WASF1: variants seen among roughly 807,000 people sequenced by gnomAD.
The protein encoded by WASF1 is actin-binding protein WASF1.
In WASF1, 7 loss-of-function variants were observed where a neutral mutation model predicts 50.5. The ratio of observed to expected loss-of-function variants is 0.14; its 90% CI spans 0.08 to 0.26. WASF1 has a LOEUF of 0.26. Ranked by LOEUF, WASF1 falls within the 10% of genes least tolerant of loss-of-function variation. WASF1 has a pLI of 1.00. For synonymous variants in WASF1, 205 were observed against 244.0 expected (o/e 0.84, Z 1.49); for missense variants, 470 against 694.7 (o/e 0.68, Z 3.64).
chr6:110,125,778 A>G (rs1452419895), intron 4 of WASF1, among the ~76,000 whole-genome samples: 1 of 152,232 alleles, frequency 6.6e-6, no homozygotes, highest in Non-Finnish European at 1.5e-5. Flanking sequence ...CTAAATGTGA[A>G]GCACCCAACA....
intron 4 of WASF1, among the ~76,000 whole-genome samples, chr6:110,114,785 A>G (rs993195065): frequency 2.0e-5 from 3 of 150,788 alleles, no homozygotes; most frequent in Non-Finnish European, 4.4e-5. Context: ...ATTAGTTTCC[A>G]TGTATGCTGC....
intron 3 of WASF1, among the ~76,000 whole-genome samples, chr6:110,145,606 T>C (rs892794619): frequency 1.3e-5 from 2 of 152,140 alleles, no homozygotes; most frequent in African/African-American, 4.8e-5. Context: ...TTGTCATAGG[T>C]AGCTCTTATG....
chr6:110,161,433 AT>A (rs1019879935), intron 2 of WASF1, among the ~76,000 whole-genome samples: 10 of 151,554 alleles, frequency 6.6e-5, no homozygotes, highest in Non-Finnish European at 1.5e-4. Context: ...CCACATATTG[AT>A]CCCCCGAATA....
chr6:110,119,366 C>CAT (rs1773975668), intron 4 of WASF1, among the ~76,000 whole-genome samples: 1 of 152,072 alleles, frequency 6.6e-6, no homozygotes, highest in Non-Finnish European at 1.5e-5. Flanking sequence ...ATATCACTGC[C>CAT]AATCCCCCAG....
At chr6:110,117,672 G>T (rs1012164297) in intron 4 of WASF1, among the ~76,000 whole-genome samples, 3 of 152,058 alleles carry the variant, frequency 2.0e-5, no homozygotes, top group African/African-American at 7.2e-5. Context: ...ACACCACAAA[G>T]ATATTCCTCA....
chr6:110,106,314 A>G (rs1773322666), intron 7 of WASF1, among the ~76,000 whole-genome samples: 1 of 152,202 alleles, frequency 6.6e-6, no homozygotes, highest in Non-Finnish European at 1.5e-5. Flanking sequence ...TACAGGCATA[A>G]TCTGGCTTGC....
chr6:110,126,514 T>G (rs755408280), intron 4 of WASF1, among the ~76,000 whole-genome samples: 1 of 152,146 alleles, frequency 6.6e-6, no homozygotes, highest in Non-Finnish European at 1.5e-5. Flanking sequence ...TAACAACCTC[T>G]TGTGCTAAGT....
intron 3 of WASF1, among the ~76,000 whole-genome samples, chr6:110,159,761 T>C (rs1430307467): frequency 1.3e-5 from 2 of 151,890 alleles, no homozygotes; most frequent in African/African-American, 4.8e-5. Context: ...ATATATACCT[T>C]ATACACATGG....
At chr6:110,106,238 T>C (rs1773319057) in intron 7 of WASF1, among the ~76,000 whole-genome samples, 1 of 152,198 alleles carries the variant, frequency 6.6e-6, no homozygotes, top group Non-Finnish European at 1.5e-5. Flanking sequence ...TAGACAGACA[T>C]GTCCATCTCA....
intron 2 of WASF1, chr6:110,177,075 T>C (rs1197021366): frequency 1.3e-5 from 2 of 152,074 alleles, no homozygotes; most frequent in African/African-American, 4.8e-5. Context: ...TATAGTCTTA[T>C]ACAATATTAA....
In WASF1 at chr6:110,108,668, A is replaced by G; in HGVS notation, c.282T>C (p.Asp94=). ...TTCGGAAAGCTTTCCTCATTGTTAT[A>G]TCTTGCAAAGACACTAAAACAAAAA... The part of the protein sequence containing the change: ...DPKEEELSLQ[D]ITMRKAFRSS... Residue 94 remains aspartate, a synonymous_variant, in exon 6 of 11, where the codon GAT becomes GAC. Coordinates refer to ENST00000392589, the MANE Select transcript of WASF1 (RefSeq NM_003931.3). The G allele has an allele frequency of 6.2e-7, 1 of 1,613,434 alleles. No homozygotes were observed. Among genetic ancestry groups the G allele is most frequent in the Non-Finnish European group, 8.5e-7 (1 of 1,179,800 alleles).
At chr6:110,146,439 A>G (rs968988133) in intron 3 of WASF1, among the ~76,000 whole-genome samples, 1 of 152,004 alleles carries the variant, frequency 6.6e-6, no homozygotes, top group Non-Finnish European at 1.5e-5. Flanking sequence ...CATGCCAATG[A>G]CAAAATACTT....
At chr6:110,106,471 A>G (rs1773330728) in intron 7 of WASF1, among the ~76,000 whole-genome samples, 1 of 152,268 alleles carries the variant, frequency 6.6e-6, no homozygotes, top group African/African-American at 2.4e-5. Flanking sequence ...TGCCTCCTTC[A>G]TAATTCAACC....
At chr6:110,153,585 T>C (rs527810133) in intron 3 of WASF1, among the ~76,000 whole-genome samples, 112 of 152,066 alleles carry the variant, frequency 7.4e-4, no homozygotes, top group Non-Finnish European at 1.4e-3. Context: ...ATCTCATAAT[T>C]TTAATTTGCA....
At chr6:110,146,076 T>C (rs1419170685) in intron 3 of WASF1, among the ~76,000 whole-genome samples, 1 of 152,100 alleles carries the variant, frequency 6.6e-6, no homozygotes, top group Non-Finnish European at 1.5e-5. Context: ...GGCACACGTA[T>C]ACATATGTAA....
chr6:110,104,188 G>A (rs1203367660), intron 8 of WASF1, among the ~76,000 whole-genome samples: 1 of 152,104 alleles, frequency 6.6e-6, no homozygotes, highest in Non-Finnish European at 1.5e-5. Context: ...ACTCGAACAT[G>A]TTAAGATTTA....
rs182947416 is a variant in WASF1 at position 110,163,988 on chromosome 6, G to A, written c.-126-3256C>T. Among the ~76,000 whole-genome samples, 39 of 151,742 alleles carry A rather than the reference G, an allele frequency of 2.6e-4. No individual in the cohort carries two copies. In the East Asian group the frequency reaches 6.8e-3, roughly 26 times the overall value. ...GATAGTCTTTTCAACAAATGATGCT[G>A]GAATTGGACGTCCACATGCAAAAAA... On this transcript the variant is annotated intron_variant, in intron 2 of 10. Coordinates refer to ENST00000392589, the MANE Select transcript of WASF1 (RefSeq NM_003931.3).
chr6:110,163,055 T>C (rs1776324223), intron 2 of WASF1, among the ~76,000 whole-genome samples: 1 of 151,634 alleles, frequency 6.6e-6, no homozygotes, highest in South Asian at 2.1e-4. Flanking sequence ...AAGATTAATA[T>C]ATAAAAGTCA....
chr6:110,144,491 G>C (rs1384259297), intron 3 of WASF1, among the ~76,000 whole-genome samples: 1 of 152,068 alleles, frequency 6.6e-6, no homozygotes, highest in Admixed American at 6.5e-5. Flanking sequence ...GTCAATTCTG[G>C]CTTTTGTTGC....
Sources: allele counts gnomAD v4.1 joint callset (sites outside exome capture counted in the v4.1 genomes callset), GRCh38; gene constraint gnomAD v4.1.1; transcripts MANE v1.5; gene names NCBI Gene and HGNC (gene_info 2026-07-23, HGNC 2026-07-21).